The following RSRC1 variants were observed in gnomAD, a reference collection of about 807,000 sequenced individuals.
RSRC1 encodes arginine and serine rich coiled-coil 1.
Under a neutral mutation model 49.1 loss-of-function variants are expected in RSRC1, and 39 were observed. The observed-to-expected ratio is 0.79, with a 90% CI of 0.61 to 1.04. The LOEUF (loss-of-function observed/expected upper bound fraction) is 1.04. RSRC1 is among the 50% of genes least tolerant of loss of function. The pLI is 0.00. For synonymous variants in RSRC1, 143 were observed against 130.8 expected (o/e 1.09, Z -0.63); for missense variants, 388 against 402.4 (o/e 0.96, Z 0.31).
intron 7 of RSRC1, among the ~76,000 whole-genome samples, chr3:158,493,116 A>G (rs1175692227): frequency 6.6e-6 from 1 of 152,190 alleles, no homozygotes; most frequent in Non-Finnish European, 1.5e-5. Flanking sequence ...GGGTCACAGA[A>G]TTGGAGGAAG....
chr3:158,418,801 A>G (rs1006923720), intron 6 of RSRC1, among the ~76,000 whole-genome samples: 1 of 151,974 alleles, frequency 6.6e-6, no homozygotes, highest in African/African-American at 2.4e-5. Flanking sequence ...AGTGCTAGAA[A>G]ATTCTTGGTA....
At chr3:158,491,940 G>A (rs1739101204) in intron 7 of RSRC1, among the ~76,000 whole-genome samples, 1 of 152,022 alleles carries the variant, frequency 6.6e-6, no homozygotes, top group East Asian at 1.9e-4. Context: ...TTAAACCTGT[G>A]TGTATTAGTC....
intron 6 of RSRC1, among the ~76,000 whole-genome samples, chr3:158,458,463 G>A (rs970018949): frequency 1.1e-4 from 17 of 151,948 alleles, no homozygotes; most frequent in African/African-American, 3.9e-4. Context: ...TAACTTAATA[G>A]CAACAGCTTA....
At chr3:158,271,446 CAGAG>C (rs1725513888) in intron 4 of RSRC1, among the ~76,000 whole-genome samples, 6 of 152,036 alleles carry the variant, frequency 3.9e-5, no homozygotes, top group Non-Finnish European at 7.4e-5. Flanking sequence ...CATGAGCAGT[CAGAG>C]TAGAGATTTT....
chr3:158,495,908 T>A (rs1739298978), intron 7 of RSRC1, among the ~76,000 whole-genome samples: 1 of 152,242 alleles, frequency 6.6e-6, no homozygotes, highest in South Asian at 2.1e-4. Flanking sequence ...TGCTGACGCC[T>A]GGCTTAAATA....
intron 4 of RSRC1, among the ~76,000 whole-genome samples, chr3:158,217,753 T>TGG (rs1722026288): frequency 2.1e-5 from 2 of 97,444 alleles, no homozygotes; most frequent in Non-Finnish European, 4.4e-5. Context: ...TATGGTCCAG[T>TGG]GTGTGTGTGT....
At chr3:158,231,989 G>A (rs1317248257) in intron 4 of RSRC1, among the ~76,000 whole-genome samples, 1 of 152,138 alleles carries the variant, frequency 6.6e-6, no homozygotes, top group Non-Finnish European at 1.5e-5. Flanking sequence ...GACAGTAGGA[G>A]TGAGATTATT....
At chr3:158,304,804 G>T (rs1578313597) in intron 5 of RSRC1, among the ~76,000 whole-genome samples, 1 of 152,130 alleles carries the variant, frequency 6.6e-6, no homozygotes, top group East Asian at 1.9e-4. Flanking sequence ...ATCATGAGAT[G>T]AAACAGCATG....
rs539016539 is a variant in RSRC1 at position 158,201,801 on chromosome 3, T to C, written c.321-1271T>C. Reference sequence around the variant, plus strand: ...CTTATCTGCTAATTTTAACATCTAGTTTAGTCTCAGGGTTGCTCTTCATAT... The same window carrying C: ...CTTATCTGCTAATTTTAACATCTAGCTTAGTCTCAGGGTTGCTCTTCATAT... On this transcript the variant is annotated intron_variant, in intron 3 of 9. Coordinates refer to ENST00000611884, the MANE Select transcript of RSRC1 (RefSeq NM_001271838.2). Among the ~76,000 whole-genome samples the C allele has an allele frequency of 9.8e-5, 15 of 152,324 alleles. No individual in the cohort carries two copies. In the East Asian group the frequency reaches 2.7e-3, roughly 27 times the overall value.
chr3:158,118,183 C>T (rs1231124754), intron 1 of RSRC1, among the ~76,000 whole-genome samples: 2 of 152,126 alleles, frequency 1.3e-5, no homozygotes, highest in East Asian at 3.9e-4. Context: ...CTCCTGGACT[C>T]AAGTGATCTG....
At chr3:158,446,401 C>A (rs1044046670) in intron 6 of RSRC1, among the ~76,000 whole-genome samples, 1 of 151,388 alleles carries the variant, frequency 6.6e-6, no homozygotes, top group Admixed American at 6.6e-5. Flanking sequence ...TTTTTATTGC[C>A]TATAAAATAT....
chr3:158,505,553 G>C (rs1739816146), intron 7 of RSRC1, among the ~76,000 whole-genome samples: 1 of 152,054 alleles, frequency 6.6e-6, no homozygotes, highest in Non-Finnish European at 1.5e-5. Flanking sequence ...GTAGAGCTTT[G>C]GGAAGGTTTC....
intron 6 of RSRC1, among the ~76,000 whole-genome samples, chr3:158,386,784 T>C (rs1325318291): frequency 6.6e-6 from 1 of 150,710 alleles, no homozygotes; most frequent in Non-Finnish European, 1.5e-5. Context: ...GTGAGCAGCA[T>C]GCATGTTCAC....
chr3:158,415,893 G>A (rs1340687817), intron 6 of RSRC1, among the ~76,000 whole-genome samples: 1 of 151,728 alleles, frequency 6.6e-6, no homozygotes, highest in East Asian at 1.9e-4. Flanking sequence ...TTATTCCTAG[G>A]TTGTTTTTGC....
intron 4 of RSRC1, among the ~76,000 whole-genome samples, chr3:158,295,526 A>G (rs1347392130): frequency 6.6e-6 from 1 of 152,118 alleles, no homozygotes; most frequent in African/African-American, 2.4e-5. Context: ...TATTGCAGCA[A>G]TTTAGGGAGA....
At chr3:158,128,621 C>T (rs987151004) in intron 3 of RSRC1, among the ~76,000 whole-genome samples, 6 of 152,084 alleles carry the variant, frequency 3.9e-5, no homozygotes, top group African/African-American at 1.2e-4. Flanking sequence ...GTACAGTAAT[C>T]GAAAGCAGGA....
chr3:158,336,563 C>T (rs1427804550), intron 5 of RSRC1: 1 of 152,344 alleles, frequency 6.6e-6, no homozygotes, highest in African/African-American at 2.4e-5. Context: ...GTGTTCATTA[C>T]CCTGGGATGT....
chr3:158,160,195 G>T (rs1718137777), intron 3 of RSRC1, among the ~76,000 whole-genome samples: 1 of 152,080 alleles, frequency 6.6e-6, no homozygotes, highest in Admixed American at 6.6e-5. Context: ...ATGAATGATT[G>T]TGTCTGTGTC....
chr3:158,134,292 T>C (rs551528022), intron 3 of RSRC1, among the ~76,000 whole-genome samples: 1 of 152,330 alleles, frequency 6.6e-6, no homozygotes, highest in Admixed American at 6.5e-5. Context: ...TTTTCCTAGC[T>C]AATTATTATA....
Sources: allele counts gnomAD v4.1 joint callset (sites outside exome capture counted in the v4.1 genomes callset), GRCh38; gene constraint gnomAD v4.1.1; transcripts MANE v1.5; gene names NCBI Gene and HGNC (gene_info 2026-07-23, HGNC 2026-07-21).